Variants in RAB40A observed in about 807,000 individuals in gnomAD.
The protein encoded by RAB40A is RAB40A, member RAS oncogene family, also known as ras-related protein Rab-40A.
For synonymous variants in RAB40A, 65 were observed against 99.9 expected, an observed-to-expected ratio of 0.65 and a Z score of 2.08; for missense variants, 145 against 230.2, an observed-to-expected ratio of 0.63 and a Z score of 2.40.
chrX:103,511,559 A>C (rs2073290188), intron 2 of RAB40A, among the ~76,000 whole-genome samples: 2 of 110,894 alleles, frequency 1.8e-5, no homozygotes, highest in Non-Finnish European at 3.8e-5. Context: ...GACATGGATG[A>C]AGCTGGAAAC....
intron 1 of RAB40A, among the ~76,000 whole-genome samples, chrX:103,517,798 A>G (rs1405048521): frequency 8.9e-6 from 1 of 111,904 alleles, no homozygotes; most frequent in Admixed American, 9.6e-5. Flanking sequence ...ATGTCCACCA[A>G]TAAAGGACTG....
At chrX:103,509,858 T>C (rs1256952459) in intron 2 of RAB40A, among the ~76,000 whole-genome samples, 3 of 106,310 alleles carry the variant, frequency 2.8e-5, no homozygotes, top group Non-Finnish European at 5.8e-5. Flanking sequence ...CAGGCTGGAG[T>C]ATAGTGGGGC....
chrX:103,512,375 G>A (rs10127233), intron 2 of RAB40A, among the ~76,000 whole-genome samples: 1 of 109,467 alleles, frequency 9.1e-6, no homozygotes. Context: ...AGTAGCACAT[G>A]CTGGTTAGAT....
chrX:103,517,663 T>C (rs1473308972), intron 1 of RAB40A, 138 bp from the exon 2 acceptor site: 1 of 112,236 alleles, frequency 8.9e-6, no homozygotes, highest in Non-Finnish European at 1.9e-5. Context: ...AATTATTTTA[T>C]CTTGGAACCA....
At chrX:103,502,540 C>T (rs1218713835) in intron 2 of RAB40A, 6 of 165,776 alleles carry the variant, frequency 3.6e-5, no homozygotes, top group Non-Finnish European at 5.4e-5. Flanking sequence ...CCAACTCATA[C>T]GGTCCCACAC....
chrX:103,501,903 A>ACAT, intron 2 of RAB40A: 1 of 123,587 alleles, frequency 8.1e-6, no homozygotes, highest in East Asian at 2.8e-4. Flanking sequence ...GGGACCAAAT[A>ACAT]CATCAAGGAA....
At chrX:103,503,667 G>A (rs1242216398) in intron 2 of RAB40A, among the ~76,000 whole-genome samples, 1 of 111,239 alleles carries the variant, frequency 9.0e-6, no homozygotes, top group Non-Finnish European at 1.9e-5. Context: ...TCAGGGAAAG[G>A]GAGAGGGATG....
intron 1 of RAB40A, among the ~76,000 whole-genome samples, 171 bp downstream of exon 1, chrX:103,519,199 T>A (rs1270411404): frequency 1.8e-5 from 2 of 112,013 alleles, no homozygotes; most frequent in East Asian, 2.8e-4. Context: ...TAAATTTTTT[T>A]ATTATACTTT....
intron 2 of RAB40A, chrX:103,503,407 T>G (rs1312870865): frequency 2.7e-6 from 2 of 750,744 alleles, no homozygotes; most frequent in East Asian, 3.1e-4. Context: ...GTGAGGGACC[T>G]CTCCACAGCA....
chrX:103,496,468 C>A (rs906845104), downstream of RAB40A, among the ~76,000 whole-genome samples: 1 of 111,925 alleles, frequency 8.9e-6, no homozygotes, highest in Admixed American at 9.5e-5. Context: ...ATTTCACCAC[C>A]ATTATATTAC....
intron 2 of RAB40A, among the ~76,000 whole-genome samples, chrX:103,507,084 G>C (rs1206434428): frequency 1.1e-5 from 1 of 87,013 alleles, no homozygotes; most frequent in African/African-American, 4.7e-5. Context: ...TCCTCTCTCT[G>C]TCCATGTGTT....
intron 2 of RAB40A, among the ~76,000 whole-genome samples, chrX:103,510,877 A>G (rs773841255): frequency 8.9e-6 from 1 of 112,170 alleles, no homozygotes; most frequent in East Asian, 2.8e-4. Context: ...TGGGAACCTC[A>G]TCTACATTAT....
chrX:103,513,670 G>A (rs946347187), intron 2 of RAB40A, among the ~76,000 whole-genome samples: 2 of 110,678 alleles, frequency 1.8e-5, no homozygotes, highest in African/African-American at 6.6e-5. Flanking sequence ...TACAGACATA[G>A]ATGTGTAATA....
At chrX:103,517,964 C>T (rs1027811950) in intron 1 of RAB40A, among the ~76,000 whole-genome samples, 1 of 111,523 alleles carries the variant, frequency 9.0e-6, no homozygotes, top group African/African-American at 3.3e-5. Context: ...TGCTGTTGTC[C>T]CATACCATAC....
At position 103,499,828 on chromosome X, in the gene RAB40A, C is replaced by G; in HGVS notation, c.*95G>C. 9.4e-7 allele frequency: 1 copy of G among 1,068,900 alleles called. No homozygotes were observed. The highest frequency in any genetic ancestry group is 1.3e-6 in the Non-Finnish European group (1 of 768,265). 88.1% of individuals were successfully genotyped at this position (1,068,900 alleles called of 1,213,427 possible). A position where few individuals can be genotyped will look rare whatever the true frequency, so the allele number is the denominator to read the frequency against. The stretch of plus-strand genomic sequence containing the variant: ...CATGGTTCCCGTGAGAAACTGAAAA[C>G]TAATTTCTTGAATCTACAATGCGAC... On this transcript the variant is annotated 3_prime_UTR_variant, in exon 3 of 3. Transcript: ENST00000304236.
intron 2 of RAB40A, among the ~76,000 whole-genome samples, chrX:103,508,554 A>G (rs1379167571): frequency 8.9e-6 from 1 of 112,270 alleles, no homozygotes; most frequent in Non-Finnish European, 1.9e-5. Flanking sequence ...CTCAGGGCTT[A>G]GGTAGTCATT....
At chrX:103,497,516 G>A (rs1217461813), downstream of RAB40A, 2 of 111,884 alleles carry the variant, frequency 1.8e-5, no homozygotes, top group Admixed American at 9.5e-5. Flanking sequence ...TGCAACTGAC[G>A]GCAGGAAGAT....
At chrX:103,509,245 T>G (rs1213286940) in intron 2 of RAB40A, among the ~76,000 whole-genome samples, 2 of 110,440 alleles carry the variant, frequency 1.8e-5, no homozygotes, top group African/African-American at 6.6e-5. Context: ...AATTGAAGTT[T>G]TTAAAAATCT....
chrX:103,516,094 C>T (rs908172961), intron 2 of RAB40A, among the ~76,000 whole-genome samples: 10 of 111,757 alleles, frequency 8.9e-5, no homozygotes, highest in Non-Finnish European at 1.5e-4. Context: ...ATAGCAGAGA[C>T]GGAAGGAGAT....
Sources: gnomAD v4.1 joint callset for allele counts (sites outside exome capture counted in the v4.1 genomes callset) on GRCh38, gnomAD v4.1.1 for gene constraint, MANE v1.5 for transcripts, NCBI Gene and HGNC (gene_info 2026-07-23, HGNC 2026-07-21) for gene names.